The following STK36 variants were observed in gnomAD, a reference collection of about 807,000 sequenced individuals.
STK36 encodes the protein serine/threonine kinase 36.
Under a neutral mutation model 142.2 loss-of-function variants are expected in STK36, and 116 were observed. The observed-to-expected ratio is 0.82, with a 90% CI of 0.70 to 0.95. STK36 has a LOEUF of 0.95. Ranked by LOEUF, STK36 falls within the 40% of genes least tolerant of loss-of-function variation. STK36 has a pLI of 0.00. For missense variants in STK36, 1,422 were observed against 1,617.2 expected (o/e 0.88, Z 2.07); for synonymous variants, 619 against 641.7 (o/e 0.96, Z 0.53).
At position 218,693,309 on chromosome 2, in the gene STK36, C is replaced by T. The variant is rs367546942; in HGVS notation, c.2113C>T (p.Leu705=). ...GCTCAGGCCATCCCTCATCTCTGGC[C>T]TGCAGCATCCCATCCTGTGCCTGCA... ...SQLRPSLISG[L]QHPILCLHLL... is the part of the protein sequence containing the mutation. Residue 705 remains leucine, a synonymous_variant, in exon 17 of 27, where the codon CTG becomes TTG. Transcript: ENST00000295709. 2.5e-6 allele frequency: 4 copies of T among 1,614,118 alleles called. No individual in the cohort carries two copies. In the African/African-American group the frequency reaches 5.3e-5, roughly 22 times the overall value.
At chr2:218,673,451 G>A (rs1234424810) in intron 2 of STK36, among the ~76,000 whole-genome samples, 174 bp from the exon 3 acceptor site, 1 of 152,146 alleles carries the variant, frequency 6.6e-6, no homozygotes, top group South Asian at 2.1e-4. Context: ...AATGGGGAAA[G>A]CCTGGATAAG....
intron 13 of STK36, 63 bp downstream of exon 13, chr2:218,690,019 C>G: frequency 6.8e-7 from 1 of 1,465,478 alleles, no homozygotes; most frequent in South Asian, 1.2e-5. Flanking sequence ...CCCAAGTGCC[C>G]TTCCCATTTA....
At chr2:218,676,619 C>CTT (rs779049295) in intron 6 of STK36, among the ~76,000 whole-genome samples, 1 of 126,124 alleles carries the variant, frequency 7.9e-6, no homozygotes, top group Non-Finnish European at 1.7e-5. Context: ...GTGCTACACG[C>CTT]TTTTTTTTTT....
intron 18 of STK36, 22 bp from the exon 19 acceptor site, chr2:218,693,873 A>G: frequency 1.2e-6 from 2 of 1,614,174 alleles, no homozygotes; most frequent in Non-Finnish European, 1.7e-6. Flanking sequence ...GGTTGTTCTG[A>G]TATCTTAGGT....
chr2:218,677,966 A>G (rs1940330052), intron 6 of STK36, among the ~76,000 whole-genome samples: 1 of 151,890 alleles, frequency 6.6e-6, no homozygotes, highest in African/African-American at 2.4e-5. Flanking sequence ...AATTTTTTGT[A>G]ATTTTTAGTA....
intron 11 of STK36, chr2:218,688,258 G>A (rs1940853661): frequency 4.7e-6 from 2 of 427,530 alleles, no homozygotes; most frequent in South Asian, 1.7e-5. Context: ...TGACCTGTGA[G>A]CCATAGTTTG....
rs1013937533 is a variant in STK36 at position 218,697,089 on chromosome 2, C to T, written c.2637C>T (p.Thr879=). The change falls in exon 23 of 27, where the codon ACC becomes ACT. Residue 879 remains threonine, a synonymous_variant. Coordinates refer to ENST00000295709, the MANE Select transcript of STK36 (RefSeq NM_015690.5). ...IRDMSSSEMW[T]VLWHRFSMVL... ...ATATGTCCAGTTCAGAAATGTGGAC[C>T]GTTTTGTGGCACCGCTTCTCCATGG... is the stretch of plus-strand genomic sequence containing the variant. 3.1e-6 allele frequency: 5 copies of T among 1,613,978 alleles called. No individual in the cohort carries two copies. The highest frequency in any genetic ancestry group is 1.1e-5 in the South Asian group (1 of 91,088).
rs1422316383 is a variant in STK36, at chr2:218,689,930, T to C, written c.1632T>C (p.Asn544=). 6.3e-7 allele frequency: 1 copy of C among 1,599,714 alleles called. No homozygotes were observed. The highest frequency in any genetic ancestry group is 1.1e-5 in the South Asian group (1 of 88,418). ...VIQAYFACTF[N]LERSQTSDSL... is the part of the protein sequence containing the mutation. ...AGGCCTACTTTGCCTGTACCTTCAA[T>C]CTGGAGAGGAGCCAGACAAGTGACA... Residue 544 remains asparagine (N), a synonymous_variant, in exon 13 of 27, where the codon AAT becomes AAC. Transcript: ENST00000295709.
chr2:218,679,171 T>C lies in STK36; in HGVS notation c.688T>C (p.Phe230Leu). Residue 230 changes from phenylalanine to leucine, a missense_variant, in exon 7 of 27, where the codon TTC becomes CTC. Transcript: ENST00000295709. The part of the protein sequence containing the change: ...PSTISPCFKN[F>L]LQGLLTKDPR... ...GGAATATTTTTTCTCTCTGTAGAACTTCCTGCAGGGACTGCTCACCAAAGA... is the reference window on the plus strand; with the variant it reads ...GGAATATTTTTTCTCTCTGTAGAACCTCCTGCAGGGACTGCTCACCAAAGA... 1 of 1,614,132 alleles carries C rather than the reference T, an allele frequency of 6.2e-7. No homozygotes were observed. The highest frequency in any genetic ancestry group is 8.5e-7 in the Non-Finnish European group (1 of 1,179,982).
In STK36 at chr2:218,680,057, T is replaced by C; in HGVS notation, c.1113T>C (p.Thr371=). ...AGAGCAGCTGGGCTAAATCAGGGAC[T>C]GGAGAGGTGCCCTCTGCACCTCGGT... is the stretch of plus-strand genomic sequence containing the variant. ...ELKSSWAKSG[T]GEVPSAPREN... The change falls in exon 9 of 27, where the codon ACT becomes ACC. Residue 371 remains threonine (T), a synonymous_variant. Transcript: ENST00000295709. The C allele has an allele frequency of 1.2e-6, 2 of 1,614,148 alleles. No individual in the cohort carries two copies. Among genetic ancestry groups the C allele is most frequent in the Non-Finnish European group, 1.7e-6 (2 of 1,180,020 alleles).
rs543932999 is a variant in STK36 at position 218,692,182 on chromosome 2, C to T, written c.1804C>T (p.Arg602Trp). The T allele has an allele frequency of 4.3e-5, 69 of 1,614,174 alleles. No homozygotes were observed. Among genetic ancestry groups the T allele is most frequent in the African/African-American group, 8.0e-5 (6 of 75,020 alleles). The change falls in exon 15 of 27, where the codon CGG becomes TGG. Residue 602 changes from arginine (R) to tryptophan (W), a missense_variant. This residue lies in a region of STK36 where 962 missense variants were observed against 1,167.5 expected (regional missense o/e 0.82). Transcript: ENST00000295709. ...GTGCGAAGCCATGGATGGGAACAGC[C>T]GGGCCATCTCCAAAGCCTTTTACTC... ...VLCEAMDGNS[R>W]AISKAFYSSL...
rs1294179090 is a variant in STK36 at position 218,692,261 on chromosome 2, C to T, written c.1883C>T (p.Thr628Ile). The change falls in exon 15 of 27, where the codon ACA becomes ATA. Residue 628 changes from threonine (T) to isoleucine (I), a missense_variant. Coordinates refer to ENST00000295709, the MANE Select transcript of STK36 (RefSeq NM_015690.5). ...VVLDGLLHGLTVPQLPVHTPQ... is the reference protein window; with the variant it reads ...VVLDGLLHGLIVPQLPVHTPQ... The stretch of plus-strand genomic sequence containing the variant: ...TTGGATGGGCTCCTTCATGGCTTGA[C>T]AGTTCCACAGCTCCCTGTCCACACT... 2 of 1,614,198 alleles carry T rather than the reference C, an allele frequency of 1.2e-6. No homozygotes were observed. The highest frequency in any genetic ancestry group is 1.7e-6 in the Non-Finnish European group (2 of 1,180,044).
chr2:218,680,817 A>G, intron 10 of STK36, 115 bp downstream of exon 10: 1 of 748,888 alleles, frequency 1.3e-6, no homozygotes, highest in South Asian at 1.9e-5. Flanking sequence ...CCTTTGTGTT[A>G]AAAAGTATTG....
At chr2:218,696,720 C>T in intron 22 of STK36, 119 bp downstream of exon 22, 1 of 1,121,238 alleles carries the variant, frequency 8.9e-7, no homozygotes, top group Non-Finnish European at 1.4e-6. Context: ...AGCTACTGTG[C>T]CTGTGATAGC....
chr2:218,692,565 C>T lies in STK36; in HGVS notation c.1916-18C>T, dbSNP rs374599978. ...AGAGCCTCAGGCCTTTGGAGTTACT[C>T]TTTGCTTTTCTCCACAGGAGCCCCG... On this transcript the variant is annotated intron_variant, in intron 15 of 26. Transcript: ENST00000295709. 2 of 1,604,556 alleles carry T rather than the reference C, an allele frequency of 1.2e-6. No individual in the cohort carries two copies. The highest frequency in any genetic ancestry group is 1.3e-5 in the African/African-American group (1 of 74,818).
At chr2:218,700,788 G>A (rs1389588230) in intron 26 of STK36, among the ~76,000 whole-genome samples, 1 of 150,296 alleles carries the variant, frequency 6.7e-6, no homozygotes, top group Non-Finnish European at 1.5e-5. Flanking sequence ...GAGGTGGGCG[G>A]ATCACTTGAG....
chr2:218,680,232 A>G, intron 9 of STK36, 152 bp downstream of exon 9: 1 of 736,696 alleles, frequency 1.4e-6, no homozygotes, highest in South Asian at 2.1e-5. Flanking sequence ...TTGGATTCTA[A>G]TTATAGATGT....
chr2:218,676,179 A>T lies in STK36; in HGVS notation c.585A>T (p.Val195=). 6.2e-7 allele frequency: 1 copy of T among 1,614,164 alleles called. No individual in the cohort carries two copies. ...GCTGCATACTATATGAACTGGCAGT[A>T]GGCACCCCTCCCTTCTATGCTACAA... ...SVGCILYELA[V]GTPPFYATSI... is the part of the protein sequence containing the mutation. The change falls in exon 6 of 27, where the codon GTA becomes GTT. Residue 195 remains valine (V), a synonymous_variant. Coordinates refer to ENST00000295709, the MANE Select transcript of STK36 (RefSeq NM_015690.5).
chr2:218,699,931 T>G (rs553233203), intron 26 of STK36, among the ~76,000 whole-genome samples: 1 of 152,230 alleles, frequency 6.6e-6, no homozygotes, highest in African/African-American at 2.4e-5. Flanking sequence ...TTTTTCCTTT[T>G]TTTTTTTTCT....
Sources: allele counts gnomAD v4.1 joint callset (sites outside exome capture counted in the v4.1 genomes callset), GRCh38; gene constraint gnomAD v4.1.1; regional missense constraint gnomAD v4.1.1; transcripts MANE v1.5; gene names NCBI Gene and HGNC (gene_info 2026-07-23, HGNC 2026-07-21).